Variants in LDB2 observed in about 807,000 individuals in gnomAD.
LDB2 encodes LIM domain-binding protein 2.
Under a neutral mutation model 44.3 loss-of-function variants are expected in LDB2, and 12 were observed. The observed-to-expected ratio is 0.27, with a 90% CI of 0.17 to 0.44. The LOEUF (loss-of-function observed/expected upper bound fraction) is 0.44, where lower values mean the gene tolerates loss of function less well. LDB2 is among the 20% of genes least tolerant of loss of function. The pLI, the probability that LDB2 is intolerant of heterozygous loss-of-function variation, is 1.00. For synonymous variants in LDB2, 164 were observed against 174.8 expected (o/e 0.94, Z 0.49); for missense variants, 344 against 473.5 (o/e 0.73, Z 2.54).
At chr4:16,804,998 TTC>T (rs1275062818) in intron 1 of LDB2, among the ~76,000 whole-genome samples, 1 of 151,924 alleles carries the variant, frequency 6.6e-6, no homozygotes, top group East Asian at 1.9e-4. Flanking sequence ...GACATCCACC[TTC>T]TCTCTGTGTA....
intron 5 of LDB2, among the ~76,000 whole-genome samples, chr4:16,578,333 A>G (rs905230672): frequency 6.6e-6 from 1 of 152,220 alleles, no homozygotes; most frequent in African/African-American, 2.4e-5. Flanking sequence ...ACCATAATAC[A>G]CGAGAAGATC....
intron 2 of LDB2, among the ~76,000 whole-genome samples, chr4:16,611,859 C>G (rs1025909991): frequency 1.3e-5 from 2 of 152,108 alleles, no homozygotes; most frequent in African/African-American, 4.8e-5. Context: ...CTGTATCAAG[C>G]AGACCTAGTA....
intron 2 of LDB2, among the ~76,000 whole-genome samples, chr4:16,739,707 T>TATATATAC (rs1216677755): frequency 2.0e-5 from 2 of 100,998 alleles, no homozygotes; most frequent in Non-Finnish European, 2.0e-5. Context: ...CATATATGTG[T>TATATATAC]ATATATGTAT....
At chr4:16,811,826 T>C (rs1329212368) in intron 1 of LDB2, among the ~76,000 whole-genome samples, 2 of 152,332 alleles carry the variant, frequency 1.3e-5, no homozygotes, top group African/African-American at 4.8e-5. Flanking sequence ...TATTTGATAC[T>C]AGAAAGCACT....
chr4:16,673,250 A>C (rs546834294), intron 2 of LDB2, among the ~76,000 whole-genome samples: 1 of 152,254 alleles, frequency 6.6e-6, no homozygotes, highest in East Asian at 1.9e-4. Context: ...TCAGCCAGAC[A>C]TCTTACCTTC....
At chr4:16,673,096 A>G (rs140089595) in intron 2 of LDB2, among the ~76,000 whole-genome samples, 53 of 152,042 alleles carry the variant, frequency 3.5e-4, no homozygotes, top group African/African-American at 9.7e-5. Flanking sequence ...CTGGTTTGTG[A>G]CCAATGGGAT....
At chr4:16,517,606 G>T (rs999775038) in intron 5 of LDB2, among the ~76,000 whole-genome samples, 1 of 152,116 alleles carries the variant, frequency 6.6e-6, no homozygotes, top group African/African-American at 2.4e-5. Context: ...ATCCCAGGAC[G>T]CTGTGGAAAG....
At chr4:16,587,795 C>G (rs999467808) in intron 4 of LDB2, among the ~76,000 whole-genome samples, 2 of 152,150 alleles carry the variant, frequency 1.3e-5, no homozygotes, top group African/African-American at 2.4e-5. Flanking sequence ...TACTGATTCT[C>G]TGAACATCAG....
intron 5 of LDB2, among the ~76,000 whole-genome samples, chr4:16,542,102 G>T (rs1027766218): frequency 1.2e-3 from 6 of 4,896 alleles, no homozygotes; most frequent in Admixed American, 6.6e-3. Context: ...ATCAGGTGGT[G>T]GGGGGGGGGG....
chr4:16,584,524 G>T (rs754315146), intron 5 of LDB2, among the ~76,000 whole-genome samples: 2 of 152,206 alleles, frequency 1.3e-5, no homozygotes, highest in Non-Finnish European at 2.9e-5. Flanking sequence ...TACAGGGATG[G>T]TAATGGGGCA....
At chr4:16,793,725 G>C (rs187734806) in intron 1 of LDB2, among the ~76,000 whole-genome samples, 98 of 152,176 alleles carry the variant, frequency 6.4e-4, no homozygotes, top group Non-Finnish European at 9.3e-4. Flanking sequence ...CACTCCACTG[G>C]GGTAGGAAAT....
intron 5 of LDB2, among the ~76,000 whole-genome samples, chr4:16,583,722 C>T (rs1021933752): frequency 1.3e-5 from 2 of 152,188 alleles, no homozygotes; most frequent in African/African-American, 4.8e-5. Flanking sequence ...ATCCGCTCAG[C>T]CATGACCTGT....
At chr4:16,655,795 T>C (rs181294575) in intron 2 of LDB2, among the ~76,000 whole-genome samples, 32 of 151,594 alleles carry the variant, frequency 2.1e-4, no homozygotes, top group Admixed American at 5.9e-4. Context: ...ATTTCAAACA[T>C]AGCAGGTGAA....
chr4:16,686,485 C>CACAGA (rs1749283294), intron 2 of LDB2, among the ~76,000 whole-genome samples: 1 of 152,194 alleles, frequency 6.6e-6, no homozygotes, highest in Admixed American at 6.5e-5. Flanking sequence ...TGCTCTTGCT[C>CACAGA]TTGTGTGTGA....
chr4:16,770,351 A>G (rs189095780), intron 1 of LDB2, among the ~76,000 whole-genome samples: 1 of 152,316 alleles, frequency 6.6e-6, no homozygotes, highest in East Asian at 1.9e-4. Flanking sequence ...TATTCTCAAA[A>G]CCCAGAAGAA....
chr4:16,817,789 C>A (rs1161758578), intron 1 of LDB2, among the ~76,000 whole-genome samples: 1 of 152,018 alleles, frequency 6.6e-6, no homozygotes, highest in African/African-American at 2.4e-5. Flanking sequence ...AATTAAGTAT[C>A]GAGCGCAAGG....
chr4:16,771,254 A>T (rs546955545), intron 1 of LDB2, among the ~76,000 whole-genome samples: 1 of 152,320 alleles, frequency 6.6e-6, no homozygotes, highest in South Asian at 2.1e-4. Flanking sequence ...AATGAAAAAA[A>T]AATTTTTGTT....
chr4:16,766,856 T>C (rs1769433635), intron 1 of LDB2, among the ~76,000 whole-genome samples: 1 of 152,162 alleles, frequency 6.6e-6, no homozygotes, highest in Non-Finnish European at 1.5e-5. Flanking sequence ...ACTAATGCAC[T>C]GAATAGATAT....
chr4:16,788,488 G>A (rs532523644), intron 1 of LDB2, among the ~76,000 whole-genome samples: 17 of 152,316 alleles, frequency 1.1e-4, no homozygotes. Context: ...ATCCATTCAA[G>A]TGTCTGAGCG....
Sources: allele counts gnomAD v4.1 joint callset (sites outside exome capture counted in the v4.1 genomes callset), GRCh38; gene constraint gnomAD v4.1.1; transcripts MANE v1.5; gene names NCBI Gene and HGNC (gene_info 2026-07-23, HGNC 2026-07-21).